RAF1: variants seen among roughly 807,000 people sequenced by gnomAD.
RAF1 encodes Raf-1 proto-oncogene, serine/threonine kinase, also known as RAF proto-oncogene serine/threonine-protein kinase.
Under a neutral mutation model 81.1 loss-of-function variants are expected in RAF1, and 27 were observed. That is an observed-to-expected ratio of 0.33 (90% confidence interval 0.25 to 0.46). The LOEUF (loss-of-function observed/expected upper bound fraction) is 0.46, where lower values mean the gene tolerates loss of function less well. RAF1 is among the 20% of genes least tolerant of loss of function. The pLI is 1.00. For missense variants in RAF1, 598 were observed against 826.0 expected (o/e 0.72, Z 3.38); for synonymous variants, 298 against 294.0 (o/e 1.01, Z -0.14).
At chr3:12,651,582 TGAGATCGGTTGCCGTGAGCC>T in intron 1 of RAF1, among the ~76,000 whole-genome samples, 1 of 147,770 alleles carries the variant, frequency 6.8e-6, no homozygotes, top group Non-Finnish European at 1.5e-5. Context: ...TGCAGTGAGC[TGAGATCGGTTGCCGTGAGCC>T]GAGATCGCAC....
intron 1 of RAF1, among the ~76,000 whole-genome samples, chr3:12,660,949 C>A (rs988341528): frequency 7.2e-5 from 11 of 152,140 alleles, no homozygotes; most frequent in African/African-American, 2.2e-4. Flanking sequence ...GCTAAAAAAA[C>A]ACCACATATC....
At chr3:12,634,724 G>A (rs2059967579) in intron 1 of RAF1, among the ~76,000 whole-genome samples, 1 of 152,078 alleles carries the variant, frequency 6.6e-6, no homozygotes, top group African/African-American at 2.4e-5. Flanking sequence ...AGGAAGAGCA[G>A]AGAGAGGGAA....
Position 12,628,848 on chromosome 3 carries a change from T to C in RAF1, c.-26-10101A>G, listed in dbSNP as rs1041207731. Among the ~76,000 whole-genome samples, 4 of 151,298 alleles carry C rather than the reference T, an allele frequency of 2.6e-5. No homozygotes were observed. In the East Asian group the frequency reaches 7.9e-4, roughly 30 times the overall value. On this transcript the variant is annotated intron_variant, in intron 1 of 17. Transcript: ENST00000442415. ...CTGACTGCAACCTCTGTTTCCCACA[T>C]TCAAGTGATCCTCCCCCTTCAGCCT...
Position 12,584,342 on chromosome 3 carries a change from A to G in RAF1, c.*172T>C. On this transcript the variant is annotated 3_prime_UTR_variant, in exon 18 of 18. Coordinates refer to ENST00000442415, the MANE Select transcript of RAF1 (RefSeq NM_001354689.3). The stretch of plus-strand genomic sequence containing the variant: ...ATGGCTTCCTTCTCCCAGGGCCCAA[A>G]GGGATAGAAAAGAAGGCAACATGAA... 5 of 783,980 alleles carry G rather than the reference A, an allele frequency of 6.4e-6. No homozygotes were observed. Among genetic ancestry groups the G allele is most frequent in the Non-Finnish European group, 1.0e-5 (5 of 485,482 alleles). The allele number at this position is 783,980 out of a possible 1,614,324, so 48.6% of individuals were successfully genotyped here. A position where few individuals can be genotyped will look rare whatever the true frequency, so the allele number is the denominator to read the frequency against.
Position 12,657,001 on chromosome 3 carries a change from G to GA in RAF1, c.-27+6811dup, listed in dbSNP as rs948327519. Among the ~76,000 whole-genome samples the GA allele has an allele frequency of 2.2e-3, 322 of 147,476 alleles. 2 individuals carry two copies. Among genetic ancestry groups the GA allele is most frequent in the Non-Finnish European group, 3.4e-3 (224 of 66,390 alleles). ...GATAAGAGTGAAACTCCATCTCGGG[G>GA]AAAAAAAAAAAAAAGAGGAATAGAT... On this transcript the variant is annotated intron_variant, in intron 1 of 17. Transcript: ENST00000442415.
intron 1 of RAF1, among the ~76,000 whole-genome samples, chr3:12,625,794 A>T (rs1392726241): frequency 6.6e-6 from 1 of 152,158 alleles, no homozygotes; most frequent in African/African-American, 2.4e-5. Flanking sequence ...AGAGCCACTG[A>T]AGTCCACCTG....
At chr3:12,648,143 TTCATCTAG>T (rs1371170125) in intron 1 of RAF1, among the ~76,000 whole-genome samples, 4 of 152,210 alleles carry the variant, frequency 2.6e-5, no homozygotes, top group Admixed American at 2.0e-4. Flanking sequence ...CATTGTTTTC[TTCATCTAG>T]TCAGCAACTG....
intron 3 of RAF1, among the ~76,000 whole-genome samples, chr3:12,609,978 A>G (rs1017995635): frequency 2.6e-5 from 4 of 152,248 alleles, no homozygotes; most frequent in Non-Finnish European, 5.9e-5. Context: ...CCACAAATGA[A>G]AAATGTACTT....
At chr3:12,654,251 G>C (rs868303863) in intron 1 of RAF1, among the ~76,000 whole-genome samples, 1 of 151,888 alleles carries the variant, frequency 6.6e-6, no homozygotes, top group South Asian at 2.1e-4. Flanking sequence ...GCCTCCCAAA[G>C]TGCTGGGATT....
chr3:12,611,895 G>T, intron 3 of RAF1, 55 bp downstream of exon 3: 1 of 1,225,166 alleles, frequency 8.2e-7, no homozygotes. Flanking sequence ...ATAGCTATTT[G>T]AAGCTAGAAG....
intron 1 of RAF1, among the ~76,000 whole-genome samples, chr3:12,649,760 G>A (rs2060463902): frequency 6.6e-6 from 1 of 152,164 alleles, no homozygotes. Context: ...AACACTTTGG[G>A]AGGCCGAGGT....
At chr3:12,605,292 T>C (rs796984554) in intron 6 of RAF1, among the ~76,000 whole-genome samples, 1 of 97,218 alleles carries the variant, frequency 1.0e-5, no homozygotes, top group African/African-American at 4.1e-5. Context: ...GTATACATAA[T>C]ATATTTTTTT....
chr3:12,624,619 TA>T lies in RAF1; in HGVS notation c.-26-5873del, dbSNP rs2059644816. ...CAGCTTCTGCATGTGAAAGGTCTTT[TA>T]AAGTTCCACAGATAAGTTCTAAAAT... On this transcript the variant is annotated intron_variant, in intron 1 of 17. Coordinates refer to ENST00000442415, the MANE Select transcript of RAF1 (RefSeq NM_001354689.3). 3.9e-5 allele frequency among the ~76,000 whole-genome samples: 6 copies of T among 152,306 alleles called. No individual in the cohort carries two copies. The South Asian group carries it at 1.2e-3, about 32-fold the overall frequency.
chr3:12,655,863 G>C (rs1021409328), intron 1 of RAF1, among the ~76,000 whole-genome samples: 1 of 151,944 alleles, frequency 6.6e-6, no homozygotes, highest in African/African-American at 2.4e-5. Context: ...TGAGGTACCT[G>C]GAATAGGCAA....
chr3:12,647,091 T>C (rs1303578183), intron 1 of RAF1, among the ~76,000 whole-genome samples: 3 of 144,632 alleles, frequency 2.1e-5, no homozygotes, highest in Non-Finnish European at 3.0e-5. Context: ...GGTCAGGAGA[T>C]CGAGACCATC....
chr3:12,608,662 G>C, intron 5 of RAF1, 104 bp downstream of exon 5: 14 of 1,262,538 alleles, frequency 1.1e-5, no homozygotes, highest in Non-Finnish European at 1.6e-5. Context: ...TTCATTAAAT[G>C]AGTCTAGAAT....
chr3:12,585,365 G>A, intron 15 of RAF1, 112 bp from the exon 15 acceptor site: 1 of 1,562,036 alleles, frequency 6.4e-7, no homozygotes, highest in Non-Finnish European at 8.6e-7. Context: ...CCATTCTTCA[G>A]TCCCCACATA....
chr3:12,607,895 G>C (rs571264277), intron 5 of RAF1, among the ~76,000 whole-genome samples: 2 of 139,496 alleles, frequency 1.4e-5, no homozygotes, highest in East Asian at 4.3e-4. Context: ...AGGTTGCAGT[G>C]AGCCGAGATC....
intron 11 of RAF1, among the ~76,000 whole-genome samples, chr3:12,596,974 C>T (rs1310865973): frequency 3.3e-5 from 5 of 151,896 alleles, no homozygotes; most frequent in African/African-American, 9.7e-5. Flanking sequence ...TCTCGGCTCA[C>T]TGTAAGCTCT....
Sources: gnomAD v4.1 joint callset for allele counts (sites outside exome capture counted in the v4.1 genomes callset) on GRCh38, gnomAD v4.1.1 for gene constraint, MANE v1.5 for transcripts, NCBI Gene and HGNC (gene_info 2026-07-23, HGNC 2026-07-21) for gene names.